The following SAMSN1 variants were observed in gnomAD, a reference collection of about 807,000 sequenced individuals.
SAMSN1 encodes the protein SAM domain, SH3 domain and nuclear localization signals 1, also known as SAM domain-containing protein SAMSN-1.
Under a neutral mutation model 42.0 loss-of-function variants are expected in SAMSN1, and 31 were observed. The ratio of observed to expected loss-of-function variants is 0.74; its 90% CI spans 0.55 to 1.00. The LOEUF is 1.00. Ranked by LOEUF, SAMSN1 falls within the 50% of genes least tolerant of loss-of-function variation. SAMSN1 has a pLI of 0.00. For missense variants in SAMSN1, 464 were observed against 439.4 expected (o/e 1.06, Z -0.50); for synonymous variants, 178 against 151.9 (o/e 1.17, Z -1.26).
At chr21:14,561,151 G>A (rs1419265246) in intron 2 of SAMSN1, among the ~76,000 whole-genome samples, 6 of 151,896 alleles carry the variant, frequency 4.0e-5, no homozygotes, top group Admixed American at 6.6e-5. Context: ...TATCTTTCAC[G>A]CTGCCCCACC....
At chr21:14,658,944 G>A (rs1400670757), upstream of SAMSN1, 1 of 585,920 alleles carries the variant, frequency 1.7e-6, no homozygotes, top group Non-Finnish European at 3.1e-6. Context: ...ATAGGCTTTT[G>A]TTGAACAAAC....
chr21:14,510,383 G>C lies in SAMSN1; in HGVS notation c.488C>G (p.Pro163Arg), dbSNP rs372317403. 22 of 1,613,980 alleles carry C rather than the reference G, an allele frequency of 1.4e-5. No homozygotes were observed. Among genetic ancestry groups the C allele is most frequent in the Non-Finnish European group, 1.7e-5 (20 of 1,180,002 alleles). Residue 163 changes from proline to arginine, a missense_variant, in exon 5 of 8, where the codon CCA becomes CGA. Physicochemically the swap from Pro to Arg is moderately radical, Grantham distance 103. Coordinates refer to ENST00000400566, the MANE Select transcript of SAMSN1 (RefSeq NM_022136.5). ...RLDDDGPYSG[P>R]FCGRARVHTD... is the part of the protein sequence containing the mutation. The stretch of plus-strand genomic sequence containing the variant: ...ATGCACTCTGGCACGGCCACAGAAT[G>C]GTCCTGAATAGGGGCCATCGTCATC...
At chr21:14,527,868 A>G (rs1382394029) in intron 1 of SAMSN1, among the ~76,000 whole-genome samples, 3 of 152,026 alleles carry the variant, frequency 2.0e-5, no homozygotes, top group African/African-American at 2.4e-5. Flanking sequence ...AAAGACCCAA[A>G]TGTACAACAA....
intron 2 of SAMSN1, among the ~76,000 whole-genome samples, chr21:14,563,028 T>G (rs1192407976): frequency 6.6e-6 from 1 of 152,210 alleles, no homozygotes; most frequent in Admixed American, 6.6e-5. Context: ...AAATTGAGTA[T>G]GTTTTCAGTA....
At chr21:14,577,483 A>G (rs190243420) in intron 2 of SAMSN1, among the ~76,000 whole-genome samples, 1 of 151,384 alleles carries the variant, frequency 6.6e-6, no homozygotes, top group African/African-American at 2.4e-5. Context: ...GATTTTGAAA[A>G]ATATATGTGT....
chr21:14,582,131 C>T (rs1440480004), intron 2 of SAMSN1: 4 of 1,537,962 alleles, frequency 2.6e-6, no homozygotes, highest in Non-Finnish European at 2.6e-6. Flanking sequence ...AGTCTGCAAA[C>T]TTACCCATGA....
chr21:14,594,223 CTGAT>C (rs1285430681), intron 6 of SAMSN1: 3 of 587,970 alleles, frequency 5.1e-6, no homozygotes, highest in African/African-American at 3.7e-5. Flanking sequence ...TCAAAGTACA[CTGAT>C]TAATGTTTCA....
chr21:14,563,549 G>GA (rs970667385), intron 2 of SAMSN1, among the ~76,000 whole-genome samples: 9 of 152,062 alleles, frequency 5.9e-5, no homozygotes, highest in Non-Finnish European at 7.4e-5. Flanking sequence ...AATTTAAGGG[G>GA]AAAAAAATAA....
At chr21:14,546,073 C>T in intron 1 of SAMSN1, 132 bp downstream of exon 1, 2 of 704,876 alleles carry the variant, frequency 2.8e-6, no homozygotes, top group Non-Finnish European at 4.6e-6. Flanking sequence ...TCCGTATTTG[C>T]CATGAGGCAT....
chr21:14,529,624 C>T (rs1298639733), intron 1 of SAMSN1, among the ~76,000 whole-genome samples: 1 of 152,146 alleles, frequency 6.6e-6, no homozygotes, highest in Non-Finnish European at 1.5e-5. Flanking sequence ...GAAATGTATA[C>T]TATATTAGTA....
At chr21:14,547,444 A>G (rs2123169550), upstream of SAMSN1, among the ~76,000 whole-genome samples, 1 of 152,358 alleles carries the variant, frequency 6.6e-6, no homozygotes, top group Admixed American at 6.5e-5. Flanking sequence ...CAAAATACCC[A>G]GAAGTAAAAG....
At chr21:14,507,758 A>G (rs1053350752) in intron 5 of SAMSN1, among the ~76,000 whole-genome samples, 2 of 152,188 alleles carry the variant, frequency 1.3e-5, no homozygotes, top group African/African-American at 4.8e-5. Context: ...CTTGAGCAAA[A>G]AGAACAAATC....
chr21:14,658,274 T>C (rs1983947353), intron 1 of SAMSN1, among the ~76,000 whole-genome samples: 2 of 151,826 alleles, frequency 1.3e-5, no homozygotes, highest in Admixed American at 6.6e-5. Flanking sequence ...GTACCTTGCA[T>C]TTACAGTGTG....
rs757974096 is a variant in SAMSN1, at chr21:14,486,059, G to C, written c.975C>G (p.Ser325=). The C allele has an allele frequency of 2.2e-5, 36 of 1,613,664 alleles. No individual in the cohort carries two copies. The highest frequency in any genetic ancestry group is 3.1e-5 in the Non-Finnish European group (36 of 1,179,740). Residue 325 remains serine, a synonymous_variant, in exon 8 of 8, where the codon TCC becomes TCG. Transcript: ENST00000400566. ...PEPLSLSSDI[S]LNKSQLDDCP... ...AGTCATCTAACTGTGACTTATTTAA[G>C]GAGATGTCTGAGCTCAAGGATAGGG...
intron 1 of SAMSN1, among the ~76,000 whole-genome samples, chr21:14,539,302 G>T (rs1400571214): frequency 2.6e-5 from 4 of 152,152 alleles, no homozygotes; most frequent in African/African-American, 9.7e-5. Flanking sequence ...GCGCAATCAG[G>T]CAGGAGAAAG....
At chr21:14,616,220 T>G (rs113157135) in intron 2 of SAMSN1, among the ~76,000 whole-genome samples, 8 of 152,068 alleles carry the variant, frequency 5.3e-5, no homozygotes, top group African/African-American at 1.4e-4. Context: ...ACATTTTAAC[T>G]TTTTTTTCCC....
At chr21:14,617,004 G>A (rs1982855772) in intron 2 of SAMSN1, among the ~76,000 whole-genome samples, 1 of 152,128 alleles carries the variant, frequency 6.6e-6, no homozygotes, top group Non-Finnish European at 1.5e-5. Context: ...TAACTGCAGA[G>A]GACAATTTGA....
rs76656808 is a variant in SAMSN1 at position 14,568,814 on chromosome 21, A to G, written c.261+13322T>C. ...ATCTAGTGTCTTAAATCATAGTATT[A>G]GTAGTAATTCCTTCATGTAAATAAA... On this transcript the variant is annotated intron_variant, in intron 2 of 8. Coordinates refer to the SAMSN1 transcript ENST00000285670. 8.8e-3 allele frequency among the ~76,000 whole-genome samples: 1,339 copies of G among 152,312 alleles called. 17 individuals are homozygous for G. Among genetic ancestry groups the G allele is most frequent in the African/African-American group, 0.03 (1,268 of 41,574 alleles).
intron 1 of SAMSN1, among the ~76,000 whole-genome samples, chr21:14,527,367 C>T (rs929146438): frequency 6.6e-6 from 1 of 152,176 alleles, no homozygotes; most frequent in Admixed American, 6.5e-5. Flanking sequence ...CTCAGTGTCA[C>T]GTGGTACCAG....
Sources: gnomAD v4.1 joint callset for allele counts (sites outside exome capture counted in the v4.1 genomes callset) on GRCh38, gnomAD v4.1.1 for gene constraint, MANE v1.5 for transcripts, NCBI Gene and HGNC (gene_info 2026-07-23, HGNC 2026-07-21) for gene names.